The following SCARA5 variants were observed in gnomAD, a reference collection of about 807,000 sequenced individuals.
SCARA5 encodes the protein scavenger receptor class A, member 5 (putative).
SCARA5 carries 45 observed loss-of-function variants against 46.3 expected under a neutral mutation model. The ratio of observed to expected loss-of-function variants is 0.97; its 90% CI spans 0.76 to 1.24. SCARA5 has a LOEUF of 1.24. Among genes scored for constraint, SCARA5 ranks in the 50% most tolerant of loss-of-function variants. The pLI is 0.00. For missense variants in SCARA5, 680 were observed against 689.0 expected, an observed-to-expected ratio of 0.99 and a Z score of 0.15; for synonymous variants, 333 against 306.5, an observed-to-expected ratio of 1.09 and a Z score of -0.90.
intron 3 of SCARA5, among the ~76,000 whole-genome samples, chr8:27,939,521 G>C (rs939304242): frequency 6.6e-6 from 1 of 152,166 alleles, no homozygotes; most frequent in Non-Finnish European, 1.5e-5. Flanking sequence ...TTAGACCAGA[G>C]AGTAGCAATG....
rs183921145 is a variant in SCARA5, at chr8:27,899,730, C to A, written c.1153+5048G>T. Among the ~76,000 whole-genome samples the A allele has an allele frequency of 1.2e-3, 180 of 152,342 alleles. 5 individuals are homozygous for A. Among genetic ancestry groups the A allele is most frequent in the Non-Finnish European group, 6.6e-4 (45 of 68,038 alleles). The stretch of plus-strand genomic sequence containing the variant: ...TTGTCTCTTACATCCCAAACCCTTG[C>A]CATGCTGTACTATTTGGGAGGATCA... On this transcript the variant is annotated intron_variant, in intron 7 of 8. Coordinates refer to ENST00000354914, the MANE Select transcript of SCARA5 (RefSeq NM_173833.6).
chr8:27,940,611 C>G (rs1304362153), intron 3 of SCARA5, among the ~76,000 whole-genome samples: 1 of 151,804 alleles, frequency 6.6e-6, no homozygotes, highest in African/African-American at 2.4e-5. Flanking sequence ...CCCACTCACC[C>G]ACCCATCCAT....
rs1300476303 is a variant in SCARA5, at chr8:27,921,778, C to T, written c.709G>A (p.Asp237Asn). 6.4e-6 allele frequency: 10 copies of T among 1,573,734 alleles called. No individual in the cohort carries two copies. The highest frequency in any genetic ancestry group is 1.3e-5 in the African/African-American group (1 of 74,406). The change falls in exon 4 of 9, where the codon GAC becomes AAC. Residue 237 changes from aspartate to asparagine, a missense_variant. By Grantham distance (23) the Asp-to-Asn change is conservative. Around this residue, in one of 3 missense-constraint regions of SCARA5, gnomAD observed 438 missense variants for 384.5 expected, o/e 1.14. Transcript: ENST00000354914. ...LRGLNHSLSYDVALHRTRLQD... is the reference protein window; with the variant it reads ...LRGLNHSLSYNVALHRTRLQD... ...AGCCGCGTGCGGTGGAGGGCCACGT[C>T]GTAGGACAGGCTGTGGTTGAGGCCG...
At chr8:27,884,995 A>G in intron 7 of SCARA5, among the ~76,000 whole-genome samples, 1 of 151,486 alleles carries the variant, frequency 6.6e-6, no homozygotes, top group Admixed American at 6.6e-5. Flanking sequence ...GGAGGGAGGA[A>G]ATGAGAGACA....
intron 8 of SCARA5, among the ~76,000 whole-genome samples, chr8:27,877,664 T>C (rs926006553): frequency 3.9e-5 from 6 of 152,216 alleles, no homozygotes; most frequent in Non-Finnish European, 2.9e-5. Flanking sequence ...ACAACAACGG[T>C]GGTTTTCCTT....
At chr8:27,935,948 T>C (rs1262601975) in intron 3 of SCARA5, among the ~76,000 whole-genome samples, 1 of 152,012 alleles carries the variant, frequency 6.6e-6, no homozygotes, top group Non-Finnish European at 1.5e-5. Flanking sequence ...CTTTTTATTT[T>C]TCCTTTTTAA....
At chr8:27,892,321 C>G (rs951753599) in intron 7 of SCARA5, among the ~76,000 whole-genome samples, 1 of 152,208 alleles carries the variant, frequency 6.6e-6, no homozygotes, top group Non-Finnish European at 1.5e-5. Flanking sequence ...CCCAAATCTC[C>G]TTGCATATCC....
chr8:27,988,731 T>C (rs896336935), intron 1 of SCARA5, among the ~76,000 whole-genome samples: 2 of 152,252 alleles, frequency 1.3e-5, no homozygotes, highest in African/African-American at 4.8e-5. Flanking sequence ...CAAATTATTC[T>C]CTACTTTCAT....
chr8:27,967,049 T>A (rs1808380529), intron 2 of SCARA5, among the ~76,000 whole-genome samples: 1 of 152,192 alleles, frequency 6.6e-6, no homozygotes. Context: ...GGATGAGTGG[T>A]GGGTGTGGCC....
chr8:27,891,604 C>T (rs927435906), intron 7 of SCARA5, among the ~76,000 whole-genome samples: 6 of 152,232 alleles, frequency 3.9e-5, no homozygotes, highest in African/African-American at 1.4e-4. Context: ...AAAAGAATTT[C>T]CTGTATGTTC....
chr8:27,878,113 C>T (rs1486978338), intron 8 of SCARA5, among the ~76,000 whole-genome samples: 1 of 152,192 alleles, frequency 6.6e-6, no homozygotes, highest in Non-Finnish European at 1.5e-5. Context: ...GGAACCCTGC[C>T]GTCAGTGGGC....
At chr8:27,960,907 G>A (rs190586602) in intron 3 of SCARA5, among the ~76,000 whole-genome samples, 1 of 152,304 alleles carries the variant, frequency 6.6e-6, no homozygotes, top group Admixed American at 6.5e-5. Context: ...TTATGTGTGT[G>A]TACTGGTTGT....
At chr8:27,987,197 ACT>A (rs1393275240) in intron 2 of SCARA5, among the ~76,000 whole-genome samples, 8 of 151,940 alleles carry the variant, frequency 5.3e-5, no homozygotes, top group Non-Finnish European at 1.2e-4. Context: ...CCCGAGTCTC[ACT>A]CTCTCAGGAG....
Position 27,871,760 on chromosome 8 carries a change from T to C in SCARA5, c.*174A>G, listed in dbSNP as rs1454496794. The C allele has an allele frequency of 6.9e-7, 1 of 1,448,730 alleles. No individual in the cohort carries two copies. The highest frequency in any genetic ancestry group is 2.5e-5 in the Admixed American group (1 of 39,346). 89.7% of individuals were successfully genotyped at this position (1,448,730 alleles called of 1,614,324 possible). A position where few individuals can be genotyped will look rare whatever the true frequency, so the allele number is the denominator to read the frequency against. On this transcript the variant is annotated 3_prime_UTR_variant, in exon 9 of 9. Transcript: ENST00000354914. ...CCAGAGTTATACTTCGGAGCACATGTTCAAGAGGGAAATGACGACCGGCCC... is the reference window on the plus strand; with the variant it reads ...CCAGAGTTATACTTCGGAGCACATGCTCAAGAGGGAAATGACGACCGGCCC...
At chr8:27,979,081 G>A (rs1473644689) in intron 2 of SCARA5, among the ~76,000 whole-genome samples, 4 of 152,102 alleles carry the variant, frequency 2.6e-5, no homozygotes, top group Admixed American at 1.3e-4. Context: ...AGAAAACCAC[G>A]CCCCTATGCC....
chr8:27,870,916 C>T lies in SCARA5; in HGVS notation c.*1018G>A, dbSNP rs1806627927. On this transcript the variant is annotated 3_prime_UTR_variant, in exon 9 of 9. Transcript: ENST00000354914. ...TGACTTGGCTTTAACCGTGACTGCCCAATGCCAGAGCACTGGACTCAGGTT... is the reference window on the plus strand; with the variant it reads ...TGACTTGGCTTTAACCGTGACTGCCTAATGCCAGAGCACTGGACTCAGGTT... 1 of 152,228 alleles carries T rather than the reference C, an allele frequency of 6.6e-6. No homozygotes were observed. The highest frequency in any genetic ancestry group is 2.4e-5 in the African/African-American group (1 of 41,444). The allele number at this position is 152,228 out of a possible 1,614,324, so 9.4% of individuals were successfully genotyped here. A position where few individuals can be genotyped will look rare whatever the true frequency, so the allele number is the denominator to read the frequency against.
chr8:27,976,102 C>T (rs894968009), intron 2 of SCARA5, among the ~76,000 whole-genome samples: 4 of 151,732 alleles, frequency 2.6e-5, no homozygotes, highest in African/African-American at 9.7e-5. Context: ...GCCCGGTGTG[C>T]GTCTTCTTCC....
chr8:27,971,542 C>T (rs781609077), intron 2 of SCARA5, among the ~76,000 whole-genome samples: 3 of 152,236 alleles, frequency 2.0e-5, no homozygotes, highest in East Asian at 3.9e-4. Flanking sequence ...AAGACCAGAG[C>T]GCTGGAGAAA....
chr8:27,956,392 T>C (rs1371769371), intron 3 of SCARA5, among the ~76,000 whole-genome samples: 2 of 152,190 alleles, frequency 1.3e-5, no homozygotes, highest in Non-Finnish European at 2.9e-5. Flanking sequence ...ACACCTATGA[T>C]TTCTTCCCTG....
Sources: gnomAD v4.1 joint callset for allele counts (sites outside exome capture counted in the v4.1 genomes callset) on GRCh38, gnomAD v4.1.1 for gene constraint, gnomAD v4.1.1 regional missense constraint, MANE v1.5 for transcripts, NCBI Gene and HGNC (gene_info 2026-07-23, HGNC 2026-07-21) for gene names.